The following FSTL4 variants were observed in gnomAD, a reference collection of about 807,000 sequenced individuals.
FSTL4 encodes the protein follistatin-related protein 4.
FSTL4 carries 28 observed loss-of-function variants against 78.2 expected under a neutral mutation model. The ratio of observed to expected loss-of-function variants is 0.36; its 90% CI spans 0.27 to 0.49. The LOEUF is 0.49. FSTL4 is among the 20% of genes least tolerant of loss of function. The pLI is 0.98. For missense variants in FSTL4, 922 were observed against 1,084.9 expected (o/e 0.85, Z 2.11); for synonymous variants, 422 against 440.5 (o/e 0.96, Z 0.53).
At chr5:133,689,800 G>A in the FSTL4 span, among the ~76,000 whole-genome samples, 1 of 152,146 alleles carries the variant, frequency 6.6e-6, no homozygotes, top group Non-Finnish European at 1.5e-5. Context: ...GGTGGCTCAC[G>A]CCTGTAATCC....
intron 4 of FSTL4, among the ~76,000 whole-genome samples, chr5:133,358,529 C>T (rs191423746): frequency 3.3e-4 from 50 of 151,922 alleles, no homozygotes; most frequent in Admixed American, 1.2e-3. Context: ...CCCTGAAGCC[C>T]GTGCTGCTGA....
At chr5:133,585,133 G>T (rs1240881554) in intron 2 of FSTL4, among the ~76,000 whole-genome samples, 1 of 88,236 alleles carries the variant, frequency 1.1e-5, no homozygotes, top group South Asian at 4.6e-4. Context: ...TGAAGGAAGC[G>T]CTAAACCTGG....
the FSTL4 span, among the ~76,000 whole-genome samples, chr5:133,785,984 C>T: frequency 6.6e-6 from 1 of 152,166 alleles, no homozygotes; most frequent in African/African-American, 2.4e-5. Context: ...TTTTTGAGGA[C>T]CCTGAAGTTA....
At chr5:133,781,964 T>A in the FSTL4 span, among the ~76,000 whole-genome samples, 1 of 152,348 alleles carries the variant, frequency 6.6e-6, no homozygotes, top group East Asian at 1.9e-4. Context: ...ATTTCCACAT[T>A]GATCTCCTGA....
intron 3 of FSTL4, among the ~76,000 whole-genome samples, chr5:133,468,692 C>A (rs141354101): frequency 4.3e-4 from 66 of 152,294 alleles, no homozygotes; most frequent in African/African-American, 1.5e-3. Context: ...AGACCTGAGA[C>A]TCAGTGTGGC....
chr5:133,520,210 T>C (rs1392230299), intron 3 of FSTL4, among the ~76,000 whole-genome samples: 2 of 151,574 alleles, frequency 1.3e-5, no homozygotes. Flanking sequence ...AGGTGTGGAG[T>C]GGATGGGTGG....
intron 12 of FSTL4, among the ~76,000 whole-genome samples, chr5:133,219,468 C>CTA (rs1488389799): frequency 1.3e-5 from 2 of 152,234 alleles, no homozygotes; most frequent in Non-Finnish European, 2.9e-5. Flanking sequence ...ACTCTGAAGG[C>CTA]TATGCCTTTA....
At chr5:133,405,973 T>C (rs1166909747) in intron 3 of FSTL4, among the ~76,000 whole-genome samples, 2 of 152,190 alleles carry the variant, frequency 1.3e-5, no homozygotes, top group Non-Finnish European at 2.9e-5. Flanking sequence ...GTGCTGAGGA[T>C]TCAGACAGAA....
At chr5:133,322,552 G>T (rs1288938312) in intron 4 of FSTL4, among the ~76,000 whole-genome samples, 1 of 152,198 alleles carries the variant, frequency 6.6e-6, no homozygotes, top group Non-Finnish European at 1.5e-5. Flanking sequence ...TCATGAGTGG[G>T]TTGCCGCCGT....
the FSTL4 span, among the ~76,000 whole-genome samples, chr5:133,770,706 G>A: frequency 1.3e-5 from 2 of 152,286 alleles, no homozygotes; most frequent in African/African-American, 4.8e-5. Flanking sequence ...CTGCTGTGCA[G>A]AAGTTTTTAG....
the FSTL4 span, among the ~76,000 whole-genome samples, chr5:133,618,168 C>T: frequency 6.6e-6 from 1 of 152,072 alleles, no homozygotes; most frequent in East Asian, 1.9e-4. Flanking sequence ...TTAACAACAA[C>T]AATAATTCAT....
intron 4 of FSTL4, among the ~76,000 whole-genome samples, chr5:133,353,231 G>A (rs536330925): frequency 1.3e-5 from 2 of 152,294 alleles, no homozygotes; most frequent in African/African-American, 2.4e-5. Context: ...TAGCATTTTG[G>A]TTAGCTCCGT....
chr5:133,631,711 C>A, the FSTL4 span, among the ~76,000 whole-genome samples: 10 of 152,318 alleles, frequency 6.6e-5, no homozygotes, highest in African/African-American at 2.2e-4. Flanking sequence ...ATGTTTACTG[C>A]AGCACTATTC....
chr5:133,279,741 C>T (rs1394665758), intron 6 of FSTL4, among the ~76,000 whole-genome samples: 1 of 152,190 alleles, frequency 6.6e-6, no homozygotes, highest in African/African-American at 2.4e-5. Flanking sequence ...AGTAGTGTCC[C>T]CAACCCCTCA....
the FSTL4 span, among the ~76,000 whole-genome samples, chr5:133,689,742 C>G: frequency 1.3e-5 from 2 of 152,150 alleles, no homozygotes; most frequent in East Asian, 1.9e-4. Context: ...GACTAGTGGT[C>G]TCAGCACTCT....
rs557571808 is a variant in FSTL4, at chr5:133,470,158, T to C, written c.161-69172A>G. Among the ~76,000 whole-genome samples the C allele has an allele frequency of 3.3e-5, 5 of 152,280 alleles. 1 individual carries two copies. The highest frequency in any genetic ancestry group is 4.1e-4 in the South Asian group (2 of 4,820). On this transcript the variant is annotated intron_variant, in intron 3 of 15. Coordinates refer to ENST00000265342, the MANE Select transcript of FSTL4 (RefSeq NM_015082.2). ...TGGAATAAGAGCTTCCAGTCAACCC[T>C]TGTGCTGTCCTTACTTCCGTATTGG... is the stretch of plus-strand genomic sequence containing the variant.
At chr5:133,362,502 C>CTTGT (rs200348072) in intron 4 of FSTL4, among the ~76,000 whole-genome samples, 3,086 of 152,330 alleles carry the variant, frequency 0.02, 108 homozygotes, top group African/African-American at 0.071. Context: ...TGTTCACTTG[C>CTTGT]GTTTTTTGAT....
intron 4 of FSTL4, among the ~76,000 whole-genome samples, chr5:133,395,949 T>C (rs1246645358): frequency 6.6e-6 from 1 of 152,194 alleles, no homozygotes. Context: ...CCCTTGCTTT[T>C]CTACTAACCT....
At chr5:133,457,949 G>C (rs970867636) in intron 3 of FSTL4, 12 of 152,116 alleles carry the variant, frequency 7.9e-5, no homozygotes, top group Non-Finnish European at 1.6e-4. Flanking sequence ...GGGAGGAAGG[G>C]GTTAATGTCA....
Sources: gnomAD v4.1 joint callset for allele counts (sites outside exome capture counted in the v4.1 genomes callset) on GRCh38, gnomAD v4.1.1 for gene constraint, MANE v1.5 for transcripts, NCBI Gene and HGNC (gene_info 2026-07-23, HGNC 2026-07-21) for gene names.